Variants in KCNN3 observed in about 807,000 individuals in gnomAD.
KCNN3 encodes the protein potassium calcium-activated channel subfamily N member 3.
KCNN3 carries 16 observed loss-of-function variants against 62.9 expected under a neutral mutation model. The ratio of observed to expected loss-of-function variants is 0.25; its 90% CI spans 0.17 to 0.39. KCNN3 has a LOEUF of 0.39. Ranked by LOEUF, KCNN3 falls within the 10% of genes least tolerant of loss-of-function variation. The probability of loss-of-function intolerance (pLI) is 1.00; values close to 1 mark genes in which losing one functional copy is unlikely to be tolerated. For missense variants in KCNN3, 599 were observed against 949.4 expected (o/e 0.63, Z 4.85); for synonymous variants, 370 against 389.2 (o/e 0.95, Z 0.58).
chr1:154,851,948 C>T (rs1302024279), intron 1 of KCNN3, among the ~76,000 whole-genome samples: 5 of 152,200 alleles, frequency 3.3e-5, no homozygotes, highest in Non-Finnish European at 7.3e-5. Context: ...GAGCCAGACC[C>T]GCCTCCCCTG....
intron 5 of KCNN3, among the ~76,000 whole-genome samples, chr1:154,717,654 C>G (rs1700259045): frequency 6.6e-6 from 1 of 151,924 alleles, no homozygotes; most frequent in South Asian, 2.1e-4. Flanking sequence ...ATACTGAAGT[C>G]ACAGCACGGC....
intron 3 of KCNN3, among the ~76,000 whole-genome samples, chr1:154,734,505 G>A (rs902488665): frequency 1.1e-4 from 16 of 152,222 alleles, no homozygotes; most frequent in Admixed American, 1.3e-4. Flanking sequence ...ATTCGCTGCC[G>A]TCATCAGGAA....
At chr1:154,729,849 C>T (rs1700552497) in intron 4 of KCNN3, among the ~76,000 whole-genome samples, 1 of 152,220 alleles carries the variant, frequency 6.6e-6, no homozygotes, top group Non-Finnish European at 1.5e-5. Flanking sequence ...ACTTCATCAT[C>T]ACTTTCCCTT....
intron 3 of KCNN3, among the ~76,000 whole-genome samples, chr1:154,740,396 C>T (rs1700802085): frequency 6.6e-6 from 1 of 152,226 alleles, no homozygotes; most frequent in African/African-American, 2.4e-5. Context: ...GATTCTCCTG[C>T]CTTGACCTCC....
intron 1 of KCNN3, chr1:154,859,605 C>T (rs1652677175): frequency 7.7e-7 from 1 of 1,293,072 alleles, no homozygotes; most frequent in African/African-American, 1.5e-5. Flanking sequence ...AAGCCACTGA[C>T]AGGTCAGCAA....
At chr1:154,724,056 A>G (rs1700411420) in intron 5 of KCNN3, among the ~76,000 whole-genome samples, 1 of 152,234 alleles carries the variant, frequency 6.6e-6, no homozygotes, top group African/African-American at 2.4e-5. Flanking sequence ...TATCAAGTAC[A>G]AACACTTGAA....
intron 3 of KCNN3, among the ~76,000 whole-genome samples, chr1:154,751,472 C>T (rs1158031501): frequency 6.6e-6 from 1 of 152,232 alleles, no homozygotes; most frequent in Non-Finnish European, 1.5e-5. Context: ...TTCATCCAGG[C>T]TGGCCATGCC....
In KCNN3 at chr1:154,793,215, T is replaced by C. The variant is rs137967193; in HGVS notation, c.1030-20822A>G. Among the ~76,000 whole-genome samples, 576 of 152,260 alleles carry C rather than the reference T, an allele frequency of 3.8e-3. 2 individuals carry two copies. The highest frequency in any genetic ancestry group is 0.031 in the Middle Eastern group (9 of 294). ...GAATACAAAGTCAGAGAGTTGTAAA[T>C]GAAGTAGTGGGTTGAAGAGCTAGCA... On this transcript the variant is annotated intron_variant, in intron 2 of 7. Transcript: ENST00000271915.
intron 1 of KCNN3, among the ~76,000 whole-genome samples, chr1:154,853,810 G>A (rs999471659): frequency 2.6e-5 from 4 of 152,136 alleles, no homozygotes; most frequent in Non-Finnish European, 4.4e-5. Context: ...TGGGCATGGT[G>A]GTATGTGCCT....
chr1:154,728,581 C>T (rs6663192), intron 4 of KCNN3, among the ~76,000 whole-genome samples: 1 of 150,006 alleles, frequency 6.7e-6, no homozygotes, highest in Non-Finnish European at 1.5e-5. Flanking sequence ...GGGTGCGGGG[C>T]GGGAAAATGA....
At chr1:154,824,187 G>T (rs187540505) in intron 1 of KCNN3, among the ~76,000 whole-genome samples, 1 of 152,156 alleles carries the variant, frequency 6.6e-6, no homozygotes, top group African/African-American at 2.4e-5. Flanking sequence ...ACATTGCATG[G>T]GGTCGTCCAA....
chr1:154,796,384 A>G lies in KCNN3; in HGVS notation c.1030-23991T>C, dbSNP rs150125869. Reference sequence around the variant, plus strand: ...TTTGAATTACAGTCCACAGAATATCATCTCCCACCCGTCTGGGAAGAGGTT... The same window carrying G: ...TTTGAATTACAGTCCACAGAATATCGTCTCCCACCCGTCTGGGAAGAGGTT... On this transcript the variant is annotated intron_variant, in intron 2 of 7. Coordinates refer to ENST00000271915, the MANE Select transcript of KCNN3 (RefSeq NM_002249.6). Among the ~76,000 whole-genome samples the G allele has an allele frequency of 5.7e-3, 860 of 152,080 alleles. 5 individuals are homozygous for G. The highest frequency in any genetic ancestry group is 0.019 in the African/African-American group (805 of 41,480).
Position 154,737,211 on chromosome 1 carries a change from G to C in KCNN3, c.1449-4067C>G, listed in dbSNP as rs1039429811. The C allele has an allele frequency of 7.8e-5, 23 of 293,220 alleles. 2 individuals carry two copies. The highest frequency in any genetic ancestry group is 5.8e-4 in the South Asian group (16 of 27,362). 18.2% of individuals were successfully genotyped at this position (293,220 alleles called of 1,614,324 possible). ...ATTTTTTGCAATAGAAAATTTGGGGGGGGGGGATAGCTCCATGTTTTTCTT... is the reference window on the plus strand; with the variant it reads ...ATTTTTTGCAATAGAAAATTTGGGGCGGGGGGATAGCTCCATGTTTTTCTT... On this transcript the variant is annotated intron_variant, in intron 3 of 7. Transcript: ENST00000271915.
intron 1 of KCNN3, among the ~76,000 whole-genome samples, chr1:154,853,287 C>A (rs902916257): frequency 4.6e-5 from 7 of 152,090 alleles, no homozygotes; most frequent in Non-Finnish European, 8.8e-5. Context: ...CCATGCCTGG[C>A]CCTAAGCACT....
intron 1 of KCNN3, among the ~76,000 whole-genome samples, chr1:154,846,439 G>T (rs1350409285): frequency 2.0e-5 from 3 of 152,206 alleles, no homozygotes; most frequent in Non-Finnish European, 4.4e-5. Flanking sequence ...CATACTGAGG[G>T]GGAGCCAGGA....
At chr1:154,759,621 G>A (rs1474882864) in intron 3 of KCNN3, among the ~76,000 whole-genome samples, 1 of 152,182 alleles carries the variant, frequency 6.6e-6, no homozygotes, top group African/African-American at 2.4e-5. Context: ...CTGTCACTGT[G>A]TACCATCTTT....
intron 3 of KCNN3, among the ~76,000 whole-genome samples, chr1:154,744,453 G>A (rs1700895459): frequency 6.6e-6 from 1 of 152,242 alleles, no homozygotes; most frequent in Non-Finnish European, 1.5e-5. Context: ...GGCACAGGGT[G>A]GGGCGTGGAG....
intron 2 of KCNN3, among the ~76,000 whole-genome samples, chr1:154,808,584 C>T (rs373325145): frequency 6.6e-6 from 1 of 152,200 alleles, no homozygotes; most frequent in South Asian, 2.1e-4. Context: ...CTTGCTGTCC[C>T]CACGGTGCCT....
intron 2 of KCNN3, among the ~76,000 whole-genome samples, chr1:154,777,680 A>G (rs1249903795): frequency 1.3e-5 from 2 of 152,204 alleles, no homozygotes; most frequent in South Asian, 2.1e-4. Context: ...ACAAAGGACT[A>G]TCCTCCCCTA....
Sources: gnomAD v4.1 joint callset for allele counts (sites outside exome capture counted in the v4.1 genomes callset) on GRCh38, gnomAD v4.1.1 for gene constraint, MANE v1.5 for transcripts, NCBI Gene and HGNC (gene_info 2026-07-23, HGNC 2026-07-21) for gene names.